Variants in RAPGEF5 observed in about 807,000 individuals in gnomAD.
RAPGEF5 encodes Rap guanine nucleotide exchange factor 5.
A neutral mutation model predicts 125.2 loss-of-function variants in RAPGEF5; 65 were observed. That is an observed-to-expected ratio of 0.52 (90% CI 0.43 to 0.64). RAPGEF5 has a LOEUF of 0.64. Among genes scored for constraint, RAPGEF5 ranks in the 30% least tolerant of loss-of-function variants. The pLI, the probability that RAPGEF5 is intolerant of heterozygous loss-of-function variation, is 0.00. For synonymous variants in RAPGEF5, 391 were observed against 385.9 expected (o/e 1.01, Z -0.16); for missense variants, 958 against 1,048.1 (o/e 0.91, Z 1.19).
At chr7:22,174,814 G>C (rs1005244084) in intron 11 of RAPGEF5, among the ~76,000 whole-genome samples, 3 of 152,220 alleles carry the variant, frequency 2.0e-5, no homozygotes, top group African/African-American at 7.2e-5. Context: ...GAAGGATAAG[G>C]GGAGGGAGGT....
intron 15 of RAPGEF5, 91 bp from the exon 16 acceptor site, chr7:22,156,979 C>A: frequency 6.5e-7 from 1 of 1,527,362 alleles, no homozygotes; most frequent in Non-Finnish European, 8.8e-7. Context: ...AAAGAACTAG[C>A]CAAATTTTTT....
intron 25 of RAPGEF5, 83 bp downstream of exon 25, chr7:22,125,521 T>G: frequency 7.6e-7 from 1 of 1,315,968 alleles, no homozygotes; most frequent in Admixed American, 1.7e-5. Context: ...TCTGTTTAAA[T>G]TGATTACCAC....
intron 7 of RAPGEF5, among the ~76,000 whole-genome samples, chr7:22,232,747 G>A (rs549545427): frequency 1.3e-5 from 2 of 152,292 alleles, no homozygotes; most frequent in East Asian, 3.9e-4. Context: ...CTATAATGCT[G>A]TGCATACAGT....
intron 7 of RAPGEF5, among the ~76,000 whole-genome samples, chr7:22,237,826 G>A (rs1450324757): frequency 6.6e-6 from 1 of 152,164 alleles, no homozygotes; most frequent in Admixed American, 6.5e-5. Context: ...AGAACACAGA[G>A]GTACTAAGTA....
chr7:22,215,235 C>T (rs1383621570), intron 9 of RAPGEF5, among the ~76,000 whole-genome samples: 2 of 152,184 alleles, frequency 1.3e-5, no homozygotes, highest in South Asian at 2.1e-4. Context: ...AACATGAAAT[C>T]GTTTCAGAGT....
intron 11 of RAPGEF5, among the ~76,000 whole-genome samples, chr7:22,175,379 CT>C (rs1340749965): frequency 6.6e-6 from 1 of 152,004 alleles, no homozygotes; most frequent in African/African-American, 2.4e-5. Context: ...ACTGTTTTTT[CT>C]TTTTTTCTCC....
At chr7:22,154,324 A>G (rs1684963685) in intron 17 of RAPGEF5, 131 bp downstream of exon 17, 1 of 1,040,096 alleles carries the variant, frequency 9.6e-7, no homozygotes, top group Non-Finnish European at 1.4e-6. Flanking sequence ...GCAGCTTCTT[A>G]TTGTTACTGT....
chr7:22,197,893 T>TTTTTTTTGG (rs139871450), intron 9 of RAPGEF5, among the ~76,000 whole-genome samples: 1 of 116,296 alleles, frequency 8.6e-6, no homozygotes, highest in African/African-American at 3.4e-5. Flanking sequence ...TCTTTTTTTT[T>TTTTTTTTGG]GGGGGGGGGT....
intron 9 of RAPGEF5, among the ~76,000 whole-genome samples, chr7:22,219,135 C>T (rs1459900604): frequency 6.6e-6 from 1 of 152,074 alleles, no homozygotes; most frequent in African/African-American, 2.4e-5. Flanking sequence ...CTGGATAGTG[C>T]AGCACTGAGA....
chr7:22,286,128 C>T (rs73683340), intron 6 of RAPGEF5, among the ~76,000 whole-genome samples: 153 of 152,286 alleles, frequency 1.0e-3, no homozygotes, highest in African/African-American at 3.4e-3. Context: ...CAATGGATAA[C>T]GCGTCTGACT....
chr7:22,313,457 C>A (rs963105343), intron 3 of RAPGEF5, among the ~76,000 whole-genome samples: 1 of 152,200 alleles, frequency 6.6e-6, no homozygotes, highest in Non-Finnish European at 1.5e-5. Context: ...CACATGAGCA[C>A]TTCATGTTTA....
chr7:22,163,836 A>G (rs1432769560), intron 12 of RAPGEF5, among the ~76,000 whole-genome samples: 1 of 152,154 alleles, frequency 6.6e-6, no homozygotes, highest in Non-Finnish European at 1.5e-5. Flanking sequence ...ATTCTTTAAC[A>G]CTAATATACA....
chr7:22,324,736 G>A (rs1469016063), intron 1 of RAPGEF5, among the ~76,000 whole-genome samples: 2 of 152,154 alleles, frequency 1.3e-5, no homozygotes, highest in African/African-American at 2.4e-5. Flanking sequence ...TCCTTGGGCT[G>A]CACAACAGAA....
At chr7:22,199,914 C>T (rs966520864) in intron 9 of RAPGEF5, among the ~76,000 whole-genome samples, 1 of 152,124 alleles carries the variant, frequency 6.6e-6, no homozygotes, top group Non-Finnish European at 1.5e-5. Context: ...AGTGTATCAA[C>T]AATATCATAG....
At chr7:22,124,345 G>A (rs1440901156) in intron 25 of RAPGEF5, among the ~76,000 whole-genome samples, 2 of 152,198 alleles carry the variant, frequency 1.3e-5, no homozygotes, top group African/African-American at 4.8e-5. Flanking sequence ...CTGTGATGAT[G>A]TTATGATTAC....
chr7:22,276,535 T>C (rs952528288), intron 6 of RAPGEF5, among the ~76,000 whole-genome samples: 6 of 152,228 alleles, frequency 3.9e-5, no homozygotes, highest in African/African-American at 1.4e-4. Flanking sequence ...CTGTAGAACC[T>C]TGTAGGGATG....
chr7:22,314,487 G>GA (rs1259643209), intron 3 of RAPGEF5: 1 of 594,878 alleles, frequency 1.7e-6, no homozygotes, highest in Non-Finnish European at 2.1e-6. Context: ...CCAGCAAACA[G>GA]AAAAAACAGA....
intron 21 of RAPGEF5, among the ~76,000 whole-genome samples, chr7:22,138,744 C>A (rs376991392): frequency 6.6e-6 from 1 of 152,238 alleles, no homozygotes; most frequent in Non-Finnish European, 1.5e-5. Flanking sequence ...GTGCTCTGCA[C>A]ATAGCAGGCA....
chr7:22,325,321 G>A (rs1159949693), intron 1 of RAPGEF5, among the ~76,000 whole-genome samples: 2 of 152,232 alleles, frequency 1.3e-5, no homozygotes, highest in Middle Eastern at 6.8e-3. Flanking sequence ...GCTAACCGCT[G>A]ACTAGCCAAT....
Sources: allele counts gnomAD v4.1 joint callset (sites outside exome capture counted in the v4.1 genomes callset), GRCh38; gene constraint gnomAD v4.1.1; transcripts MANE v1.5; gene names NCBI Gene and HGNC (gene_info 2026-07-23, HGNC 2026-07-21).